ATAD5: variants seen among roughly 807,000 people sequenced by gnomAD.
ATAD5 encodes ATPase family AAA domain-containing protein 5.
A neutral mutation model predicts 176.9 loss-of-function variants in ATAD5; 58 were observed. That is an observed-to-expected ratio of 0.33 (90% CI 0.27 to 0.41). The LOEUF (loss-of-function observed/expected upper bound fraction) is 0.41. Among genes scored for constraint, ATAD5 ranks in the 10% least tolerant of loss-of-function variants. The pLI is 1.00. For missense variants in ATAD5, 1,789 were observed against 2,094.1 expected, an observed-to-expected ratio of 0.85 and a Z score of 2.84; for synonymous variants, 640 against 712.6, an observed-to-expected ratio of 0.90 and a Z score of 1.62.
chr17:30,878,718 GTTTTTTTTTTTTTTTT>G (rs71142005), intron 17 of ATAD5, among the ~76,000 whole-genome samples: 10 of 56,838 alleles, frequency 1.8e-4, no homozygotes, highest in African/African-American at 2.0e-4. Context: ...GTTAGGTGGT[GTTTTTTTTTTTTTTTT>G]TTTTTTTTTT....
At chr17:30,851,246 C>A (rs925399481) in intron 6 of ATAD5, among the ~76,000 whole-genome samples, 4 of 149,948 alleles carry the variant, frequency 2.7e-5, no homozygotes, top group Non-Finnish European at 5.9e-5. Flanking sequence ...TCTATAATCC[C>A]AGCACTTTGG....
rs776075025 is a variant in ATAD5, at chr17:30,840,715, G to C, written c.2175G>C (p.Ala725=). 6.2e-7 allele frequency: 1 copy of C among 1,609,380 alleles called. No individual in the cohort carries two copies. The highest frequency in any genetic ancestry group is 1.3e-5 in the African/African-American group (1 of 74,702). The change falls in exon 4 of 23, where the codon GCG becomes GCC. Residue 725 remains alanine, a synonymous_variant. Coordinates refer to ENST00000321990, the MANE Select transcript of ATAD5 (RefSeq NM_024857.5). ...GGTCAAAGGTGACTGAAGAAATAGC[G>C]ATACCCTTAAGGCGCTCCTCTAGAC... The part of the protein sequence containing the change: ...ISRSKVTEEI[A]IPLRRSSRHQ...
intron 10 of ATAD5, among the ~76,000 whole-genome samples, chr17:30,863,459 T>G (rs1014580331): frequency 6.7e-6 from 1 of 149,806 alleles, no homozygotes; most frequent in African/African-American, 2.5e-5. Flanking sequence ...CTCCGCCTCC[T>G]GGGTTCGTAC....
rs1907441317 is a variant in ATAD5, at chr17:30,858,723, C to T, written c.2956+400C>T. Among the ~76,000 whole-genome samples the T allele has an allele frequency of 1.3e-5, 2 of 151,792 alleles. 1 individual carries two copies. The highest frequency in any genetic ancestry group is 4.2e-4 in the South Asian group (2 of 4,812). On this transcript the variant is annotated intron_variant, in intron 9 of 22. Transcript: ENST00000321990. ...TTTTTTAGAGTGTTGCTCTGTCACC[C>T]AGGCTGGAATGCAGTGGTGCAACTT... is the stretch of plus-strand genomic sequence containing the variant.
chr17:30,861,329 CTT>C (rs556536366), intron 10 of ATAD5, among the ~76,000 whole-genome samples: 2 of 151,618 alleles, frequency 1.3e-5, no homozygotes, highest in South Asian at 4.2e-4. Flanking sequence ...TCCTAGAACT[CTT>C]TTTGTTTTTT....
In ATAD5 at chr17:30,835,390, G is replaced by C; in HGVS notation, c.1309G>C (p.Val437Leu). The change falls in exon 2 of 23, where the codon GTA (valine) becomes CTA (leucine). Residue 437 changes from valine (V) to leucine (L), a missense_variant. By Grantham distance (32) the Val-to-Leu change is conservative. Transcript: ENST00000321990. The stretch of plus-strand genomic sequence containing the variant: ...CCTTAATGAAAAATGTCTATATGAA[G>C]TAGGAAGAGATGATAATTCTAAAAA... ...KDLNEKCLYE[V>L]GRDDNSKKIM... The C allele has an allele frequency of 6.2e-7, 1 of 1,610,380 alleles. No individual in the cohort carries two copies. Among genetic ancestry groups the C allele is most frequent in the Non-Finnish European group, 8.5e-7 (1 of 1,179,074 alleles).
chr17:30,891,170 G>A (rs56198690), intron 19 of ATAD5, among the ~76,000 whole-genome samples: 56 of 152,268 alleles, frequency 3.7e-4, no homozygotes, highest in African/African-American at 1.3e-3. Context: ...GTTGTTGTCA[G>A]ACTGCCCTCT....
At chr17:30,836,458 G>T (rs182807751) in intron 2 of ATAD5, among the ~76,000 whole-genome samples, 1 of 151,970 alleles carries the variant, frequency 6.6e-6, no homozygotes, top group Admixed American at 6.5e-5. Flanking sequence ...GATTATAGTC[G>T]TGAGCCACTG....
intron 5 of ATAD5, 83 bp from the exon 6 acceptor site, chr17:30,844,747 CAAAAA>C (rs569986111): frequency 0.023 from 7,822 of 344,808 alleles, 136 homozygotes; most frequent in African/African-American, 0.21. Context: ...GACTCCATCT[CAAAAA>C]AAAAAAAAAA....
rs1223568294 is a variant in ATAD5 at position 30,840,117 on chromosome 17, G to C, written c.2077-500G>C. ...GGAGGCTGAGGCAGGAGAATCACTT[G>C]AACTCGGGAGGCAGAGGTTGCACTG... is the stretch of plus-strand genomic sequence containing the variant. On this transcript the variant is annotated intron_variant, in intron 3 of 22. Coordinates refer to ENST00000321990, the MANE Select transcript of ATAD5 (RefSeq NM_024857.5). Among the ~76,000 whole-genome samples, 4 of 147,126 alleles carry C rather than the reference G, an allele frequency of 2.7e-5. No individual in the cohort carries two copies. The South Asian group carries it at 8.9e-4, about 33-fold the overall frequency.
intron 10 of ATAD5, among the ~76,000 whole-genome samples, chr17:30,863,299 G>A (rs1031335656): frequency 1.5e-4 from 23 of 151,948 alleles, no homozygotes; most frequent in African/African-American, 2.2e-4. Flanking sequence ...GAGTTCAAGC[G>A]ATTCTTCTGC....
Position 30,850,869 on chromosome 17 carries a change from ATTTTTTTTTTTTTTTTTT to A in ATAD5, c.2451-4258_2451-4241del, listed in dbSNP as rs58433358. 4.8e-3 allele frequency among the ~76,000 whole-genome samples: 71 copies of A among 14,744 alleles called. 1 individual carries two copies. The highest frequency in any genetic ancestry group is 7.3e-3 in the Non-Finnish European group (61 of 8,316). The allele number at this position is 14,744 out of a possible 152,430, so 9.7% of individuals were successfully genotyped here. A position where few individuals can be genotyped will look rare whatever the true frequency, so the allele number is the denominator to read the frequency against. The stretch of plus-strand genomic sequence containing the variant: ...TATATATATATATATATATATATAT[ATTTTTTTTTTTTTTTTTT>A]TTTTTTTTTTTTTTTGAGATAGAGT... On this transcript the variant is annotated intron_variant, in intron 6 of 22. Transcript: ENST00000321990.
At chr17:30,838,216 T>G (rs952839194) in intron 3 of ATAD5, among the ~76,000 whole-genome samples, 3 of 152,242 alleles carry the variant, frequency 2.0e-5, no homozygotes, top group Non-Finnish European at 4.4e-5. Context: ...TTTAGTTGTT[T>G]CGGCAAAATA....
At chr17:30,840,375 T>C (rs571711385) in intron 3 of ATAD5, among the ~76,000 whole-genome samples, 2 of 152,224 alleles carry the variant, frequency 1.3e-5, no homozygotes, top group South Asian at 4.1e-4. Flanking sequence ...GCCAAGTCTA[T>C]ACTACAGACA....
intron 3 of ATAD5, among the ~76,000 whole-genome samples, chr17:30,838,009 G>A (rs936919435): frequency 1.3e-5 from 2 of 152,132 alleles, no homozygotes; most frequent in African/African-American, 4.8e-5. Context: ...ACTGTGGAGG[G>A]CTGTCCTGTG....
chr17:30,869,885 C>G, intron 14 of ATAD5: 1 of 436,932 alleles, frequency 2.3e-6, no homozygotes, highest in South Asian at 2.6e-5. Flanking sequence ...ACTATAATAT[C>G]GTAATCAGAC....
At chr17:30,860,203 T>C (rs1907542704) in intron 9 of ATAD5, among the ~76,000 whole-genome samples, 1 of 152,090 alleles carries the variant, frequency 6.6e-6, no homozygotes, top group East Asian at 1.9e-4. Flanking sequence ...TTTGTATCTT[T>C]AGTAGAGATG....
At chr17:30,879,332 A>G in intron 17 of ATAD5, 91 bp from the exon 18 acceptor site, 2 of 1,462,270 alleles carry the variant, frequency 1.4e-6, no homozygotes, top group Non-Finnish European at 1.9e-6. Flanking sequence ...CGGGTGCTGA[A>G]TATTTTCATA....
chr17:30,850,859 ATATATATATATTTTTTTTTTTTTTT>A (rs1906890947), intron 6 of ATAD5, among the ~76,000 whole-genome samples: 1 of 28,578 alleles, frequency 3.5e-5, no homozygotes, highest in African/African-American at 1.1e-4. Flanking sequence ...ATATATATAT[ATATATATATATTTTTTTTTTTTTTT>A]TTTTTTTTTT....
Sources: gnomAD v4.1 joint callset for allele counts (sites outside exome capture counted in the v4.1 genomes callset) on GRCh38, gnomAD v4.1.1 for gene constraint, MANE v1.5 for transcripts, NCBI Gene and HGNC (gene_info 2026-07-23, HGNC 2026-07-21) for gene names.